Variants in PKNOX2 observed in about 807,000 individuals in gnomAD.
PKNOX2 encodes homeobox protein PKNOX2.
PKNOX2 carries 14 observed loss-of-function variants against 53.1 expected under a neutral mutation model. The observed-to-expected ratio is 0.26, with a 90% CI of 0.17 to 0.41. The LOEUF is 0.41. Ranked by LOEUF, PKNOX2 falls within the 10% of genes least tolerant of loss-of-function variation. The probability of loss-of-function intolerance (pLI) is 1.00; values close to 1 mark genes in which losing one functional copy is unlikely to be tolerated. For missense variants in PKNOX2, 496 were observed against 602.8 expected (o/e 0.82, Z 1.85); for synonymous variants, 257 against 242.8 (o/e 1.06, Z -0.54).
At chr11:125,228,976 G>A (rs1941961406) in intron 1 of PKNOX2, among the ~76,000 whole-genome samples, 1 of 152,196 alleles carries the variant, frequency 6.6e-6, no homozygotes, top group African/African-American at 2.4e-5. Context: ...GAAGCCTTCA[G>A]CACCTGCCTT....
chr11:125,246,219 G>T (rs1436486170), intron 2 of PKNOX2, among the ~76,000 whole-genome samples: 2 of 152,178 alleles, frequency 1.3e-5, no homozygotes. Flanking sequence ...CTGGCATCTG[G>T]CAGGGGCCTT....
At chr11:125,396,234 G>A (rs1280963626) in intron 6 of PKNOX2, among the ~76,000 whole-genome samples, 1 of 152,116 alleles carries the variant, frequency 6.6e-6, no homozygotes, top group Admixed American at 6.6e-5. Flanking sequence ...GATTACAGGC[G>A]TGAGCCACTG....
intron 10 of PKNOX2, among the ~76,000 whole-genome samples, chr11:125,427,069 G>C (rs1466709451): frequency 6.6e-6 from 1 of 152,228 alleles, no homozygotes; most frequent in Admixed American, 6.5e-5. Context: ...GCTGCTTTTT[G>C]TCTACAGACC....
intron 1 of PKNOX2, among the ~76,000 whole-genome samples, chr11:125,234,178 C>T (rs1424929766): frequency 1.3e-5 from 2 of 152,154 alleles, no homozygotes; most frequent in Admixed American, 6.5e-5. Flanking sequence ...CCTTGAGTGC[C>T]GCGACTCTTG....
chr11:125,268,383 A>C (rs1215143846), intron 2 of PKNOX2, among the ~76,000 whole-genome samples: 1 of 152,234 alleles, frequency 6.6e-6, no homozygotes, highest in Admixed American at 6.5e-5. Flanking sequence ...CTCCTGTATA[A>C]AATGAAGGCT....
intron 10 of PKNOX2, among the ~76,000 whole-genome samples, chr11:125,414,486 G>A (rs773036206): frequency 3.9e-5 from 6 of 152,176 alleles, no homozygotes; most frequent in Non-Finnish European, 8.8e-5. Context: ...TGGGACTGAA[G>A]GGAAGGAAGA....
At position 125,165,929 on chromosome 11, in the gene PKNOX2, C is replaced by T. The variant is rs914140854; in HGVS notation, c.-201+1153C>T. Among the ~76,000 whole-genome samples the T allele has an allele frequency of 1.3e-5, 2 of 152,114 alleles. No homozygotes were observed. Among genetic ancestry groups the T allele is most frequent in the Admixed American group, 1.3e-4 (2 of 15,280 alleles). On this transcript the variant is annotated intron_variant, in intron 1 of 12. Coordinates refer to ENST00000298282, the MANE Select transcript of PKNOX2 (RefSeq NM_001382323.2). This position sits in a 1 kb window ranked among gnomAD's most constrained non-coding sequence, Gnocchi z 4.5. ...CTGGCTCCCGATCCCCAGGAAGAAA[C>T]GAGCGAAATGGGCCGTCCTTTCCCG... is the stretch of plus-strand genomic sequence containing the variant.
intron 2 of PKNOX2, among the ~76,000 whole-genome samples, chr11:125,324,073 C>T (rs1004598323): frequency 7.2e-5 from 11 of 152,138 alleles, no homozygotes; most frequent in Non-Finnish European, 1.5e-4. Context: ...GATTCTTTGT[C>T]AAATGAAATG....
chr11:125,170,310 C>G (rs1000463469), intron 1 of PKNOX2, among the ~76,000 whole-genome samples: 1 of 152,230 alleles, frequency 6.6e-6, no homozygotes, highest in African/African-American at 2.4e-5. Flanking sequence ...GTCTTTAATA[C>G]TCCCTAGTCT....
chr11:125,183,963 C>T (rs549085545), intron 1 of PKNOX2, among the ~76,000 whole-genome samples: 1 of 152,296 alleles, frequency 6.6e-6, no homozygotes, highest in African/African-American at 2.4e-5. Context: ...GTGGACCCTC[C>T]ATTTGCCTCA....
intron 1 of PKNOX2, among the ~76,000 whole-genome samples, chr11:125,189,419 G>GTATA (rs1277612431): frequency 0.21 from 7,839 of 37,366 alleles, 723 homozygotes; most frequent in Non-Finnish European, 0.24. Context: ...ATATATGTGT[G>GTATA]TGTGTGTGTG....
intron 8 of PKNOX2, 94 bp downstream of exon 8, chr11:125,410,419 A>G: frequency 6.5e-7 from 1 of 1,534,326 alleles, no homozygotes; most frequent in Non-Finnish European, 8.8e-7. Context: ...GTTGTCCTCC[A>G]CCGAGGGAGG....
rs375693772 is a variant in PKNOX2, at chr11:125,350,946, C to A, written c.-22-338C>A. Among the ~76,000 whole-genome samples, 1,189 of 152,242 alleles carry A rather than the reference C, an allele frequency of 7.8e-3. 15 individuals are homozygous for A. Among genetic ancestry groups the A allele is most frequent in the African/African-American group, 0.026 (1,093 of 41,520 alleles). On this transcript the variant is annotated intron_variant, in intron 3 of 12. Coordinates refer to ENST00000298282, the MANE Select transcript of PKNOX2 (RefSeq NM_001382323.2). ...GAGGGGTATCCAAATGGCCTCCAGT[C>A]CCCCGGTGCTGCTACCAGGCAGGCC...
At chr11:125,220,383 T>G (rs4935912) in intron 1 of PKNOX2, among the ~76,000 whole-genome samples, 21,732 of 152,190 alleles carry the variant, frequency 0.14, 1,630 homozygotes, top group Middle Eastern at 0.17. Context: ...TTCCAACCCC[T>G]GAGCTCCGAA....
intron 5 of PKNOX2, among the ~76,000 whole-genome samples, chr11:125,375,113 A>G (rs1034574978): frequency 5.3e-5 from 8 of 152,182 alleles, no homozygotes; most frequent in Non-Finnish European, 1.0e-4. Context: ...AAGAACCTGA[A>G]CTGAAAATTT....
At chr11:125,306,215 GA>G (rs1186556529) in intron 2 of PKNOX2, among the ~76,000 whole-genome samples, 2 of 152,268 alleles carry the variant, frequency 1.3e-5, no homozygotes, top group African/African-American at 4.8e-5. Context: ...AAAAGGCTGG[GA>G]AGTTTTATGG....
At chr11:125,279,453 G>A (rs1946405194) in intron 2 of PKNOX2, among the ~76,000 whole-genome samples, 1 of 152,202 alleles carries the variant, frequency 6.6e-6, no homozygotes, top group Non-Finnish European at 1.5e-5. Context: ...TGTCAGATGA[G>A]GAAAATGAGG....
chr11:125,432,142 G>C lies in PKNOX2; in HGVS notation c.*750G>C, dbSNP rs1956731037. On this transcript the variant is annotated 3_prime_UTR_variant, in exon 13 of 13. Transcript: ENST00000298282. ...AGTCCCTTCTGGGTTGACTCCAAGA[G>C]CCAAGGAGATGGCAGACCCTGGGCT... The C allele has an allele frequency of 6.6e-6, 1 of 152,310 alleles. No individual in the cohort carries two copies. The highest frequency in any genetic ancestry group is 2.4e-5 in the African/African-American group (1 of 41,464). The allele number at this position is 152,310 out of a possible 1,614,324, so 9.4% of individuals were successfully genotyped here.
Position 125,433,204 on chromosome 11 carries a change from A to AC in PKNOX2, c.*1813dup, listed in dbSNP as rs1956776935. On this transcript the variant is annotated 3_prime_UTR_variant, in exon 13 of 13. Transcript: ENST00000298282. ...AACACGCGCACACAGACACACACAC[A>AC]CACCGTTCCACTCACCACCTGGACA... The AC allele has an allele frequency of 6.6e-6, 1 of 152,664 alleles. No individual in the cohort carries two copies. The highest frequency in any genetic ancestry group is 2.1e-4 in the South Asian group (1 of 4,820). The allele number at this position is 152,664 out of a possible 1,614,324, so 9.5% of individuals were successfully genotyped here. A position where few individuals can be genotyped will look rare whatever the true frequency, so the allele number is the denominator to read the frequency against.
Sources: allele counts gnomAD v4.1 joint callset (sites outside exome capture counted in the v4.1 genomes callset), GRCh38; gene constraint gnomAD v4.1.1; non-coding constraint Gnocchi (gnomAD v3.1); transcripts MANE v1.5; gene names NCBI Gene and HGNC (gene_info 2026-07-23, HGNC 2026-07-21).